Variants in NFATC3 observed in about 807,000 individuals in gnomAD.
The protein encoded by NFATC3 is nuclear factor of activated T-cells, cytoplasmic 3.
NFATC3 carries 46 observed loss-of-function variants against 98.6 expected under a neutral mutation model. The observed-to-expected ratio is 0.47, with a 90% CI of 0.37 to 0.60. The LOEUF (loss-of-function observed/expected upper bound fraction) is 0.60. NFATC3 is among the 20% of genes least tolerant of loss of function. NFATC3 has a pLI of 0.00. For missense variants in NFATC3, 1,256 were observed against 1,295.5 expected (o/e 0.97, Z 0.47); for synonymous variants, 512 against 472.2 (o/e 1.08, Z -1.09).
In NFATC3 at chr16:68,192,230, A is replaced by AAATATATATATAT. The variant is rs1555522047; in HGVS notation, c.3106+456_3106+457insATATATATATATA. 9 of 82,600 alleles carry AAATATATATATAT rather than the reference A, an allele frequency of 1.1e-4. 1 individual carries two copies. Among genetic ancestry groups the AAATATATATATAT allele is most frequent in the African/African-American group, 4.6e-4 (8 of 17,414 alleles). The allele number at this position is 82,600 out of a possible 1,614,324, so 5.1% of individuals were successfully genotyped here. A position where few individuals can be genotyped will look rare whatever the true frequency, so the allele number is the denominator to read the frequency against. On this transcript the variant is annotated intron_variant, in intron 9 of 9. Coordinates refer to ENST00000346183, the MANE Select transcript of NFATC3 (RefSeq NM_173165.3). ...CTCGGGAAAAAAAAAAAAAAAAAAAAATATATATATATATATATATATATG... is the reference window on the plus strand; with the variant it reads ...CTCGGGAAAAAAAAAAAAAAAAAAAAAATATATATATATATATATATATATATATATATATATG...
At chr16:68,226,206 A>G in intron 9 of NFATC3, 144 bp from the exon 10 acceptor site, 1 of 887,140 alleles carries the variant, frequency 1.1e-6, no homozygotes. Flanking sequence ...AATGCCACTC[A>G]GCTCAGGAGC....
intron 9 of NFATC3, chr16:68,221,138 A>G: frequency 6.4e-7 from 1 of 1,564,444 alleles, no homozygotes; most frequent in Non-Finnish European, 8.8e-7. Flanking sequence ...TATTTTTAAC[A>G]ACTTAAAAAT....
rs1361675494 is a variant in NFATC3, at chr16:68,183,346, A to G, written c.2078A>G (p.Gln693Arg). 1.2e-6 allele frequency: 2 copies of G among 1,613,408 alleles called. No individual in the cohort carries two copies. The highest frequency in any genetic ancestry group is 1.1e-5 in the South Asian group (1 of 91,068). Residue 693 changes from glutamine to arginine, a missense_variant, in exon 8 of 10, where the codon CAA (glutamine) becomes CGA (arginine). Coordinates refer to ENST00000346183, the MANE Select transcript of NFATC3 (RefSeq NM_173165.3). Reference protein sequence around the residue: ...CNGKRKKSQSQRFTYTPVLMK... With the variant: ...CNGKRKKSQSRRFTYTPVLMK... ...GGCAAGAGGAAAAAAAGCCAGTCTC[A>G]ACGTTTTACTTATACACCAGGTACG...
intron 8 of NFATC3, among the ~76,000 whole-genome samples, chr16:68,183,591 T>C (rs2040036545): frequency 6.6e-6 from 1 of 152,120 alleles, no homozygotes; most frequent in Non-Finnish European, 1.5e-5. Context: ...GACGGTAGGT[T>C]TAAGGTCTTT....
chr16:68,218,067 TG>T (rs1329621395), intron 9 of NFATC3: 1 of 1,018,984 alleles, frequency 9.8e-7, no homozygotes, highest in African/African-American at 1.7e-5. Flanking sequence ...CCCTTTTTTT[TG>T]TTTTATTTGG....
intron 9 of NFATC3, chr16:68,214,454 T>G: frequency 6.2e-7 from 1 of 1,603,218 alleles, no homozygotes; most frequent in Non-Finnish European, 8.5e-7. Flanking sequence ...TTGAAATGTG[T>G]CATTGTTTTT....
intron 1 of NFATC3, among the ~76,000 whole-genome samples, chr16:68,093,980 A>G: frequency 6.6e-6 from 1 of 152,214 alleles, no homozygotes; most frequent in East Asian, 1.9e-4. Context: ...TTTGGGCTCA[A>G]AATAGCTACT....
intron 2 of NFATC3, 70 bp downstream of exon 2, chr16:68,123,191 A>T: frequency 6.8e-7 from 1 of 1,478,126 alleles, no homozygotes; most frequent in South Asian, 1.3e-5. Context: ...TAACTACATT[A>T]TCAGTATATA....
chr16:68,138,241 T>C (rs2037551931), intron 3 of NFATC3, among the ~76,000 whole-genome samples: 1 of 151,612 alleles, frequency 6.6e-6, no homozygotes, highest in Non-Finnish European at 1.5e-5. Flanking sequence ...GGTTTCGTCA[T>C]GTTGGCCAGG....
chr16:68,129,983 C>T (rs968247970), intron 3 of NFATC3, among the ~76,000 whole-genome samples: 1 of 152,022 alleles, frequency 6.6e-6, no homozygotes, highest in Admixed American at 6.6e-5. Flanking sequence ...TGGCTGATTT[C>T]TCTCTTTTCT....
chr16:68,092,189 C>G (rs960673641), intron 1 of NFATC3, among the ~76,000 whole-genome samples: 2 of 150,824 alleles, frequency 1.3e-5, no homozygotes, highest in Admixed American at 6.6e-5. Flanking sequence ...CGCGGTGGCT[C>G]TCACCTGTGT....
At chr16:68,205,803 A>G (rs2041122818) in intron 9 of NFATC3, among the ~76,000 whole-genome samples, 1 of 152,156 alleles carries the variant, frequency 6.6e-6, no homozygotes, top group Admixed American at 6.6e-5. Context: ...TCTATACTGT[A>G]ACATAAAAGA....
At chr16:68,133,915 A>G (rs918228270) in intron 3 of NFATC3, among the ~76,000 whole-genome samples, 1 of 152,054 alleles carries the variant, frequency 6.6e-6, no homozygotes, top group Non-Finnish European at 1.5e-5. Context: ...TCGATGGACA[A>G]AGCATTCACT....
chr16:68,192,226 A>ATATATAT lies in NFATC3; in HGVS notation c.3106+451_3106+452insTATATAT, dbSNP rs1372509585. The ATATATAT allele has an allele frequency of 7.2e-3, 428 of 59,590 alleles. 6 individuals carry two copies. Among genetic ancestry groups the ATATATAT allele is most frequent in the East Asian group, 0.017 (24 of 1,442 alleles). 3.7% of individuals were successfully genotyped at this position (59,590 alleles called of 1,614,324 possible). On this transcript the variant is annotated intron_variant, in intron 9 of 9. Transcript: ENST00000346183. ...CCGTCTCGGGAAAAAAAAAAAAAAA[A>ATATATAT]AAAAATATATATATATATATATATA...
chr16:68,099,282 A>C (rs2035210745), intron 1 of NFATC3, among the ~76,000 whole-genome samples: 1 of 151,906 alleles, frequency 6.6e-6, no homozygotes, highest in East Asian at 1.9e-4. Flanking sequence ...AAAAATACAA[A>C]AAATTAGCCG....
chr16:68,122,671 C>T lies in NFATC3; in HGVS notation c.788C>T (p.Pro263Leu), dbSNP rs761177655. The T allele has an allele frequency of 4.3e-6, 7 of 1,614,070 alleles. No individual in the cohort carries two copies. The highest frequency in any genetic ancestry group is 5.9e-6 in the Non-Finnish European group (7 of 1,180,048). ...CTGAGCCCCAGGCCAGCCTCAGGAC[C>T]CTCATCAAGGCCCACATCCCCCTGT... The part of the protein sequence containing the change: ...NWLSPRPASG[P>L]SSRPTSPCGK... The change falls in exon 2 of 10, where the codon CCC becomes CTC. Residue 263 changes from proline to leucine, a missense_variant. By Grantham distance (98) the Pro-to-Leu change is moderately conservative. Coordinates refer to ENST00000346183, the MANE Select transcript of NFATC3 (RefSeq NM_173165.3).
chr16:68,113,951 C>G (rs548280447), intron 1 of NFATC3, among the ~76,000 whole-genome samples: 1 of 152,112 alleles, frequency 6.6e-6, no homozygotes, highest in Non-Finnish European at 1.5e-5. Context: ...CAGACTGGAG[C>G]CGCAGTGATG....
At position 68,123,162 on chromosome 16, in the gene NFATC3, A is replaced by G. The variant is rs960508829; in HGVS notation, c.1238+41A>G. 1.1e-5 allele frequency: 17 copies of G among 1,554,512 alleles called. No individual in the cohort carries two copies. The Middle Eastern group carries it at 5.2e-4, about 47-fold the overall frequency. ...TGGCTGCTGGTCATTTTTCATGTTTATGGGTCATTGGTGGCATATAACTAC... is the reference window on the plus strand; with the variant it reads ...TGGCTGCTGGTCATTTTTCATGTTTGTGGGTCATTGGTGGCATATAACTAC... On this transcript the variant is annotated intron_variant, in intron 2 of 9. Coordinates refer to ENST00000346183, the MANE Select transcript of NFATC3 (RefSeq NM_173165.3).
At chr16:68,163,691 G>A (rs551176690) in intron 4 of NFATC3, among the ~76,000 whole-genome samples, 66 of 134,356 alleles carry the variant, frequency 4.9e-4, no homozygotes, top group Non-Finnish European at 8.4e-4. Context: ...CTGACGGGGC[G>A]GCCGGGCAGA....
Sources: gnomAD v4.1 joint callset for allele counts (sites outside exome capture counted in the v4.1 genomes callset) on GRCh38, gnomAD v4.1.1 for gene constraint, MANE v1.5 for transcripts, NCBI Gene and HGNC (gene_info 2026-07-23, HGNC 2026-07-21) for gene names.